Variants in CDK17 observed in about 807,000 individuals in gnomAD.
CDK17 encodes the protein cyclin-dependent kinase 17.
CDK17 carries 24 observed loss-of-function variants against 77.6 expected under a neutral mutation model. That is an observed-to-expected ratio of 0.31 (90% CI 0.22 to 0.44). The LOEUF is 0.44. Among genes scored for constraint, CDK17 ranks in the 20% least tolerant of loss-of-function variants. The pLI is 1.00. For synonymous variants in CDK17, 203 were observed against 210.4 expected (o/e 0.96, Z 0.30); for missense variants, 429 against 622.5 (o/e 0.69, Z 3.31).
At chr12:96,351,136 C>G (rs1000153846) in intron 1 of CDK17, among the ~76,000 whole-genome samples, 1 of 152,058 alleles carries the variant, frequency 6.6e-6, no homozygotes, top group African/African-American at 2.4e-5. Flanking sequence ...CTATGAGATA[C>G]CACCTCATAC....
At chr12:96,370,698 A>G (rs1307190586) in intron 1 of CDK17, among the ~76,000 whole-genome samples, 2 of 152,266 alleles carry the variant, frequency 1.3e-5, no homozygotes, top group African/African-American at 4.8e-5. Context: ...AATAAACTAA[A>G]AGGCAAAAGC....
At chr12:96,313,688 A>C (rs1357562395) in intron 3 of CDK17, among the ~76,000 whole-genome samples, 1 of 152,234 alleles carries the variant, frequency 6.6e-6, no homozygotes, top group African/African-American at 2.4e-5. Context: ...CATTCAAGTT[A>C]TTATCAAGGG....
At chr12:96,392,906 A>G (rs1037825700) in intron 1 of CDK17, among the ~76,000 whole-genome samples, 3 of 152,258 alleles carry the variant, frequency 2.0e-5, no homozygotes, top group African/African-American at 7.2e-5. Context: ...CTGTTATCTT[A>G]TATGTTACAA....
intron 1 of CDK17, among the ~76,000 whole-genome samples, chr12:96,351,325 A>G (rs1953309646): frequency 6.6e-6 from 1 of 152,184 alleles, no homozygotes. Context: ...TACCAAAAAA[A>G]AAAAAACTGA....
intron 1 of CDK17, among the ~76,000 whole-genome samples, chr12:96,342,103 G>A (rs1050752329): frequency 1.3e-5 from 2 of 152,080 alleles, no homozygotes; most frequent in Admixed American, 1.3e-4. Flanking sequence ...ATTATTCCAC[G>A]TAATGTTGCT....
At chr12:96,290,852 C>T (rs1952315339) in intron 10 of CDK17, among the ~76,000 whole-genome samples, 1 of 152,156 alleles carries the variant, frequency 6.6e-6, no homozygotes, top group South Asian at 2.1e-4. Flanking sequence ...ACATGGCCTT[C>T]TAGTTCACAA....
intron 1 of CDK17, 180 bp from the exon 2 acceptor site, chr12:96,335,045 GTATT>G (rs2137143970): frequency 1.5e-6 from 1 of 649,978 alleles, no homozygotes; most frequent in Non-Finnish European, 2.8e-6. Context: ...GAATAATGCT[GTATT>G]TATTTGGCAT....
intron 5 of CDK17, among the ~76,000 whole-genome samples, chr12:96,305,285 C>T (rs959259676): frequency 2.0e-5 from 3 of 152,130 alleles, no homozygotes; most frequent in East Asian, 3.9e-4. Flanking sequence ...GAGGGAGTAT[C>T]GGGACAGAAA....
intron 10 of CDK17, among the ~76,000 whole-genome samples, chr12:96,293,285 C>T (rs1017932430): frequency 2.0e-5 from 3 of 152,100 alleles, no homozygotes; most frequent in Non-Finnish European, 4.4e-5. Context: ...GTGATCCTCT[C>T]ACCTCAGCCT....
At chr12:96,292,117 T>C (rs983228638) in intron 10 of CDK17, among the ~76,000 whole-genome samples, 1 of 152,070 alleles carries the variant, frequency 6.6e-6, no homozygotes, top group Non-Finnish European at 1.5e-5. Flanking sequence ...AATTTGTTAT[T>C]CAAACACAGG....
At chr12:96,285,920 C>A (rs543755044) in intron 13 of CDK17, 123 bp downstream of exon 13, 17 of 515,784 alleles carry the variant, frequency 3.3e-5, no homozygotes, top group Middle Eastern at 6.1e-4. Context: ...TAAATAAGAT[C>A]CTAAAATACG....
intron 1 of CDK17, among the ~76,000 whole-genome samples, chr12:96,335,524 T>TC (rs1953029948): frequency 6.6e-6 from 1 of 152,202 alleles, no homozygotes; most frequent in Non-Finnish European, 1.5e-5. Context: ...TCTTCCTAAT[T>TC]CTGAAAGGTA....
intron 1 of CDK17, among the ~76,000 whole-genome samples, chr12:96,348,989 G>A (rs192213689): frequency 5.9e-5 from 9 of 152,128 alleles, no homozygotes; most frequent in South Asian, 2.1e-4. Flanking sequence ...CAAAGACATC[G>A]TAAGAAAAGA....
In CDK17 at chr12:96,294,990, A is replaced by G. The variant is rs1952384077; in HGVS notation, c.997+9T>C. 6.2e-7 allele frequency: 1 copy of G among 1,603,934 alleles called. No homozygotes were observed. The highest frequency in any genetic ancestry group is 1.7e-5 in the Admixed American group (1 of 57,944). ...GGAAGTACTAATAAATATCTCATAC[A>G]TTCCATACCAAAATCTGCTAGCTTT... On this transcript the variant is annotated intron_variant, in intron 10 of 16. Coordinates refer to ENST00000261211, the MANE Select transcript of CDK17 (RefSeq NM_002595.5).
At chr12:96,329,023 C>T (rs1952931548) in intron 2 of CDK17, among the ~76,000 whole-genome samples, 3 of 152,068 alleles carry the variant, frequency 2.0e-5, no homozygotes, top group South Asian at 4.1e-4. Flanking sequence ...CGACAATATG[C>T]TAAGGGAAAT....
intron 1 of CDK17, among the ~76,000 whole-genome samples, chr12:96,370,654 A>G (rs1300995529): frequency 1.3e-5 from 2 of 152,112 alleles, no homozygotes; most frequent in East Asian, 3.8e-4. Flanking sequence ...ACCGGTGTAC[A>G]ATGGAGTTTT....
chr12:96,312,011 G>T (rs943154135), intron 4 of CDK17, among the ~76,000 whole-genome samples: 1 of 152,154 alleles, frequency 6.6e-6, no homozygotes, highest in Admixed American at 6.5e-5. Context: ...GATACAGAAA[G>T]AAGTCTTTCC....
In CDK17 at chr12:96,279,759, T is replaced by C. The variant is rs1952149830; in HGVS notation, c.*483A>G. 1 of 152,928 alleles carries C rather than the reference T, an allele frequency of 6.5e-6. No homozygotes were observed. The highest frequency in any genetic ancestry group is 1.5e-5 in the Non-Finnish European group (1 of 68,244). The allele number at this position is 152,928 out of a possible 1,614,324, so 9.5% of individuals were successfully genotyped here. ...CACTTATTTTACTATTAAGCAAAGC[T>C]AAATTTACATTCCAGGAAACACTGC... On this transcript the variant is annotated 3_prime_UTR_variant, in exon 17 of 17. Transcript: ENST00000261211.
chr12:96,315,739 G>A (rs1055116424), intron 3 of CDK17, among the ~76,000 whole-genome samples: 1 of 152,132 alleles, frequency 6.6e-6, no homozygotes, highest in Non-Finnish European at 1.5e-5. Flanking sequence ...AAAACCCAAA[G>A]CTGTTATACA....
Sources: gnomAD v4.1 joint callset for allele counts (sites outside exome capture counted in the v4.1 genomes callset) on GRCh38, gnomAD v4.1.1 for gene constraint, MANE v1.5 for transcripts, NCBI Gene and HGNC (gene_info 2026-07-23, HGNC 2026-07-21) for gene names.